Variants in SLC9C1 observed in about 807,000 individuals in gnomAD.
SLC9C1 encodes the protein solute carrier family 9 member C1, also known as sodium/hydrogen exchanger 10.
SLC9C1 carries 97 observed loss-of-function variants against 140.9 expected under a neutral mutation model. That is an observed-to-expected ratio of 0.69 (90% CI 0.58 to 0.82). The LOEUF is 0.82. SLC9C1 is among the 40% of genes least tolerant of loss of function. The probability of loss-of-function intolerance (pLI) is 0.00; values close to 1 mark genes in which losing one functional copy is unlikely to be tolerated. For missense variants in SLC9C1, 1,340 were observed against 1,389.3 expected (o/e 0.96, Z 0.56); for synonymous variants, 440 against 442.6 (o/e 0.99, Z 0.07).
chr3:112,178,524 G>A (rs2077381731), intron 23 of SLC9C1, among the ~76,000 whole-genome samples: 1 of 152,036 alleles, frequency 6.6e-6, no homozygotes, highest in Admixed American at 6.6e-5. Context: ...ATTCCCTCTT[G>A]CTGTCAATTA....
intron 10 of SLC9C1, among the ~76,000 whole-genome samples, chr3:112,259,449 A>T (rs1029390972): frequency 2.0e-4 from 30 of 151,858 alleles, no homozygotes; most frequent in African/African-American, 6.8e-4. Context: ...AACATAAACC[A>T]AGACCATGTC....
intron 13 of SLC9C1, among the ~76,000 whole-genome samples, chr3:112,223,367 C>G (rs1488027852): frequency 6.6e-6 from 1 of 152,020 alleles, no homozygotes; most frequent in Non-Finnish European, 1.5e-5. Context: ...CATATTCCAG[C>G]CATGGGTACA....
chr3:112,154,916 G>T, intron 27 of SLC9C1, 81 bp downstream of exon 27: 2 of 1,352,642 alleles, frequency 1.5e-6, no homozygotes, highest in Non-Finnish European at 2.1e-6. Flanking sequence ...CAGAATAAGA[G>T]AAACACATTG....
Position 112,200,701 on chromosome 3 carries a change from A to G in SLC9C1, c.2374+10T>C. 6.2e-7 allele frequency: 1 copy of G among 1,606,778 alleles called. No individual in the cohort carries two copies. The highest frequency in any genetic ancestry group is 1.1e-5 in the South Asian group (1 of 89,604). ...AGATGGTCATGCTAAATAGGATGAG[A>G]GCTACTTACCTAGCTCTTTTATAGC... On this transcript the variant is annotated intron_variant, in intron 19 of 28. Transcript: ENST00000305815.
At chr3:112,234,874 G>C (rs1256307242) in intron 12 of SLC9C1, among the ~76,000 whole-genome samples, 11 of 152,050 alleles carry the variant, frequency 7.2e-5, no homozygotes, top group East Asian at 1.9e-4. Context: ...GTTTTGGTTA[G>C]TGTAGCCTTG....
intron 1 of SLC9C1, among the ~76,000 whole-genome samples, chr3:112,289,029 G>C (rs2080600540): frequency 6.6e-6 from 1 of 152,060 alleles, no homozygotes; most frequent in African/African-American, 2.4e-5. Context: ...GGGCTCTTCA[G>C]GTAATTTTAA....
chr3:112,151,804 T>A, intron 28 of SLC9C1, 53 bp downstream of exon 28: 3 of 1,448,774 alleles, frequency 2.1e-6, no homozygotes, highest in Admixed American at 1.9e-5. Context: ...TCAGTCTGTA[T>A]CTCCAGGGAC....
At chr3:112,277,367 C>T (rs2080243194) in intron 5 of SLC9C1, among the ~76,000 whole-genome samples, 1 of 152,122 alleles carries the variant, frequency 6.6e-6, no homozygotes. Context: ...ACAGAAATGT[C>T]ACCACAGTGT....
intron 4 of SLC9C1, 85 bp downstream of exon 4, chr3:112,278,644 A>G (rs2080278365): frequency 7.0e-7 from 1 of 1,423,918 alleles, no homozygotes; most frequent in Non-Finnish European, 9.3e-7. Context: ...TTTGTTCCCT[A>G]TTTTGGAAAA....
chr3:112,222,173 T>C (rs938911316), intron 13 of SLC9C1, among the ~76,000 whole-genome samples: 2 of 152,136 alleles, frequency 1.3e-5, no homozygotes, highest in Non-Finnish European at 2.9e-5. Flanking sequence ...AAGATAAAAA[T>C]TGTAGTTTGA....
chr3:112,155,142 T>G (rs767273585), intron 26 of SLC9C1, 93 bp from the exon 27 acceptor site: 5 of 1,106,094 alleles, frequency 4.5e-6, no homozygotes, highest in Non-Finnish European at 6.5e-6. Context: ...CAGATTCAAA[T>G]CACACTCAGG....
At chr3:112,257,367 G>GT (rs1158559973) in intron 10 of SLC9C1, among the ~76,000 whole-genome samples, 1 of 151,940 alleles carries the variant, frequency 6.6e-6, no homozygotes. Flanking sequence ...TACCAACAGA[G>GT]TAGAAGAGAG....
Position 112,277,773 on chromosome 3 carries a change from G to T in SLC9C1, c.406C>A (p.Pro136Thr), listed in dbSNP as rs756512244. The change falls in exon 5 of 29, where the codon CCT becomes ACT. Residue 136 changes from proline (P) to threonine (T), a missense_variant. Pro to Thr is a conservative substitution (Grantham distance 38). Transcript: ENST00000305815. ...GCTGAAAATAATAACCATTGGGTAGGCTTCAAAAGTAATTGATTTACAGAT... is the reference window on the plus strand; with the variant it reads ...GCTGAAAATAATAACCATTGGGTAGTCTTCAAAAGTAATTGATTTACAGAT... ...LASVNQLLLK[P>T]TQWLLFSAIL... is the part of the protein sequence containing the mutation. The T allele has an allele frequency of 1.7e-5, 27 of 1,612,554 alleles. No homozygotes were observed. The highest frequency in any genetic ancestry group is 2.2e-5 in the East Asian group (1 of 44,836).
chr3:112,247,391 T>G (rs901747704), intron 10 of SLC9C1, among the ~76,000 whole-genome samples: 5 of 152,188 alleles, frequency 3.3e-5, no homozygotes, highest in African/African-American at 1.2e-4. Context: ...TATAAAACTA[T>G]TTTATTTGAT....
chr3:112,217,221 G>T (rs564841668), intron 15 of SLC9C1, among the ~76,000 whole-genome samples: 1 of 152,222 alleles, frequency 6.6e-6, no homozygotes, highest in East Asian at 1.9e-4. Flanking sequence ...GAGGGGAGGG[G>T]GGAAGGATAG....
intron 8 of SLC9C1, among the ~76,000 whole-genome samples, chr3:112,266,028 A>G (rs1012150145): frequency 4.6e-5 from 7 of 152,150 alleles, no homozygotes; most frequent in African/African-American, 1.2e-4. Context: ...GAGAACCAAC[A>G]TGAACTCAAG....
chr3:112,290,682 G>T (rs1254677542), intron 1 of SLC9C1, among the ~76,000 whole-genome samples: 6 of 152,200 alleles, frequency 3.9e-5, no homozygotes. Flanking sequence ...TTATGTGGGA[G>T]TGTCAGTCTC....
At chr3:112,186,049 G>A (rs1203756005) in intron 20 of SLC9C1, 8 of 1,228,986 alleles carry the variant, frequency 6.5e-6, no homozygotes. Flanking sequence ...ATCTTCCGCT[G>A]CACAGTGCAC....
rs1238159159 is a variant in SLC9C1, at chr3:112,199,481, CAAA to C, written c.2375-15_2375-13del. 5.2e-6 allele frequency: 8 copies of C among 1,540,070 alleles called. No individual in the cohort carries two copies. The highest frequency in any genetic ancestry group is 7.0e-6 in the Non-Finnish European group (8 of 1,149,220). On this transcript the variant is annotated splice_polypyrimidine_tract_variant and intron_variant, in intron 19 of 28. Transcript: ENST00000305815. ...ATACTCTAAGTAGCCTAAAAAATAA[CAAA>C]ATATTTTTAGATTAAATAAGAACAT...
Sources: allele counts gnomAD v4.1 joint callset (sites outside exome capture counted in the v4.1 genomes callset), GRCh38; gene constraint gnomAD v4.1.1; transcripts MANE v1.5; gene names NCBI Gene and HGNC (gene_info 2026-07-23, HGNC 2026-07-21).